SEMA3A: variants seen among roughly 807,000 people sequenced by gnomAD.
The protein encoded by SEMA3A is semaphorin-3A.
Under a neutral mutation model 97.9 loss-of-function variants are expected in SEMA3A, and 29 were observed. That is an observed-to-expected ratio of 0.30 (90% confidence interval 0.22 to 0.40). The LOEUF is 0.40. Among genes scored for constraint, SEMA3A ranks in the 10% least tolerant of loss-of-function variants. The pLI, the probability that SEMA3A is intolerant of heterozygous loss-of-function variation, is 1.00. For missense variants in SEMA3A, 763 were observed against 951.3 expected, an observed-to-expected ratio of 0.80 and a Z score of 2.60; for synonymous variants, 321 against 323.7, an observed-to-expected ratio of 0.99 and a Z score of 0.09.
chr7:84,436,264 G>T (rs1253136680), intron 1 of SEMA3A, among the ~76,000 whole-genome samples: 10 of 152,108 alleles, frequency 6.6e-5, no homozygotes, highest in Admixed American at 6.6e-4. Flanking sequence ...TCTGGACTTT[G>T]CCCTTGGGAA....
chr7:84,322,566 A>C (rs115288524), intron 2 of SEMA3A, among the ~76,000 whole-genome samples: 5,166 of 152,074 alleles, frequency 0.034, 101 homozygotes, highest in South Asian at 0.046. Flanking sequence ...AGTTCTCTGC[A>C]CAAGCTCTCT....
chr7:84,454,675 A>G (rs929303199), intron 1 of SEMA3A, among the ~76,000 whole-genome samples: 2 of 152,200 alleles, frequency 1.3e-5, no homozygotes, highest in East Asian at 1.9e-4. Context: ...ATATTGATAG[A>G]AAAACACCCA....
intron 4 of SEMA3A, among the ~76,000 whole-genome samples, chr7:84,091,714 AT>A (rs919990192): frequency 2.6e-4 from 39 of 152,120 alleles, no homozygotes; most frequent in African/African-American, 9.4e-4. Flanking sequence ...TTTGGCTCCA[AT>A]TTTTAGAGAC....
At chr7:83,983,871 C>T (rs980660870) in intron 13 of SEMA3A, among the ~76,000 whole-genome samples, 4 of 152,024 alleles carry the variant, frequency 2.6e-5, no homozygotes, top group Non-Finnish European at 5.9e-5. Context: ...GTTCATTTAT[C>T]CAGAAAATTA....
chr7:84,171,918 C>T (rs1797394572), intron 1 of SEMA3A, among the ~76,000 whole-genome samples: 1 of 152,100 alleles, frequency 6.6e-6, no homozygotes. Context: ...CAGGCTGCTT[C>T]AAACAAGGGT....
At chr7:84,117,511 G>A (rs555336389) in intron 3 of SEMA3A, among the ~76,000 whole-genome samples, 2 of 152,202 alleles carry the variant, frequency 1.3e-5, no homozygotes, top group Non-Finnish European at 2.9e-5. Context: ...TGAGCAGCAG[G>A]CCGGCCAGCA....
chr7:84,048,571 T>C lies in SEMA3A; in HGVS notation c.548-2128A>G, dbSNP rs562379844. ...ATCATGCAAATTTCAAACATTTTCA[T>C]GATGGAACACCTGTGAGAAGATACC... On this transcript the variant is annotated intron_variant, in intron 5 of 16. Coordinates refer to ENST00000265362, the MANE Select transcript of SEMA3A (RefSeq NM_006080.3). 5.3e-5 allele frequency among the ~76,000 whole-genome samples: 8 copies of C among 152,068 alleles called. No homozygotes were observed. The East Asian group carries it at 1.5e-3, about 29-fold the overall frequency.
At chr7:84,194,228 G>C (rs2116277282) in intron 1 of SEMA3A, among the ~76,000 whole-genome samples, 1 of 152,154 alleles carries the variant, frequency 6.6e-6, no homozygotes, top group East Asian at 1.9e-4. Flanking sequence ...GCGTGTACCA[G>C]GCATACAGCT....
At chr7:84,447,358 C>T (rs1337267618) in intron 1 of SEMA3A, among the ~76,000 whole-genome samples, 5 of 152,164 alleles carry the variant, frequency 3.3e-5, no homozygotes, top group African/African-American at 1.2e-4. Flanking sequence ...GAAGCCCCAC[C>T]TTCAAGCCAG....
Position 84,065,964 on chromosome 7 carries a change from CA to C in SEMA3A, c.454-5407del, listed in dbSNP as rs914637248. ...ATACCAAAGCCAGGCAGAGACACAA[CA>C]AAAAAAGAGAATTTTAGACCAATAT... On this transcript the variant is annotated intron_variant, in intron 4 of 16. Coordinates refer to ENST00000265362, the MANE Select transcript of SEMA3A (RefSeq NM_006080.3). Among the ~76,000 whole-genome samples the C allele has an allele frequency of 3.5e-4, 53 of 151,004 alleles. 1 individual carries two copies. In the South Asian group the frequency reaches 0.011, roughly 30 times the overall value.
At chr7:84,377,926 A>C (rs111449248) in intron 1 of SEMA3A, among the ~76,000 whole-genome samples, 1 of 152,072 alleles carries the variant, frequency 6.6e-6, no homozygotes, top group African/African-American at 2.4e-5. Context: ...ATCAAAATCT[A>C]TTTACCTGAA....
chr7:84,385,383 C>T (rs1486295215), intron 1 of SEMA3A, among the ~76,000 whole-genome samples: 1 of 152,112 alleles, frequency 6.6e-6, no homozygotes, highest in Non-Finnish European at 1.5e-5. Flanking sequence ...TGGGGAATGT[C>T]CTCTACTTGG....
intron 2 of SEMA3A, among the ~76,000 whole-genome samples, chr7:84,357,741 C>G (rs147350950): frequency 1.3e-3 from 203 of 151,750 alleles, no homozygotes; most frequent in African/African-American, 4.6e-3. Context: ...AACTACTTTA[C>G]AGTCCCACCA....
chr7:84,323,999 T>G (rs1406252985), intron 2 of SEMA3A, among the ~76,000 whole-genome samples: 1 of 152,216 alleles, frequency 6.6e-6, no homozygotes, highest in African/African-American at 2.4e-5. Flanking sequence ...ATAAAGTGTT[T>G]GAAAGTTTGT....
intron 1 of SEMA3A, among the ~76,000 whole-genome samples, chr7:84,152,628 C>A (rs1796711604): frequency 6.8e-6 from 1 of 147,452 alleles, no homozygotes; most frequent in Admixed American, 6.8e-5. Context: ...ACCAGCATGG[C>A]ACATGTATAC....
intron 6 of SEMA3A, among the ~76,000 whole-genome samples, chr7:84,030,987 G>GTTTTTTTT (rs10615974): frequency 6.3e-5 from 6 of 95,022 alleles, no homozygotes; most frequent in Non-Finnish European, 5.9e-5. Flanking sequence ...TTTTGGTCAA[G>GTTTTTTTT]TTTTTTTTTT....
intron 12 of SEMA3A, among the ~76,000 whole-genome samples, chr7:83,999,408 C>G (rs1256023306): frequency 6.7e-6 from 1 of 149,360 alleles, no homozygotes; most frequent in Non-Finnish European, 1.5e-5. Context: ...AAATTATGCA[C>G]ATTCTAATTC....
intron 2 of SEMA3A, among the ~76,000 whole-genome samples, chr7:84,349,659 T>A (rs1424445195): frequency 6.6e-6 from 1 of 152,196 alleles, no homozygotes; most frequent in Non-Finnish European, 1.5e-5. Context: ...TCCCCCCTAC[T>A]GCAACTGGCT....
intron 3 of SEMA3A, among the ~76,000 whole-genome samples, chr7:84,243,733 T>A (rs1278025479): frequency 2.0e-5 from 3 of 151,830 alleles, no homozygotes; most frequent in South Asian, 4.1e-4. Flanking sequence ...CCTGTGGGCA[T>A]TTAGTGCTAT....
Sources: gnomAD v4.1 joint callset for allele counts (sites outside exome capture counted in the v4.1 genomes callset) on GRCh38, gnomAD v4.1.1 for gene constraint, MANE v1.5 for transcripts, NCBI Gene and HGNC (gene_info 2026-07-23, HGNC 2026-07-21) for gene names.